CSMD3: variants seen among roughly 807,000 people sequenced by gnomAD.
CSMD3 encodes CUB and sushi domain-containing protein 3.
CSMD3 carries 177 observed loss-of-function variants against 435.2 expected under a neutral mutation model. The observed-to-expected ratio is 0.41, with a 90% CI of 0.36 to 0.46. The LOEUF (loss-of-function observed/expected upper bound fraction) is 0.46, where lower values mean the gene tolerates loss of function less well. Among genes scored for constraint, CSMD3 ranks in the 20% least tolerant of loss-of-function variants. The pLI is 0.34. For synonymous variants in CSMD3, 1,656 were observed against 1,520.5 expected (o/e 1.09, Z -2.07); for missense variants, 4,265 against 4,504.6 (o/e 0.95, Z 1.52).
At chr8:112,527,335 C>T (rs974352333) in intron 27 of CSMD3, among the ~76,000 whole-genome samples, 1 of 151,252 alleles carries the variant, frequency 6.6e-6, no homozygotes, top group African/African-American at 2.4e-5. Flanking sequence ...GAAAAAGAGA[C>T]AGATTTCATA....
In CSMD3 at chr8:112,573,597, G is replaced by C. The variant is rs1049829056; in HGVS notation, c.3946C>G (p.Arg1316Gly). 1 of 1,612,882 alleles carries C rather than the reference G, an allele frequency of 6.2e-7. No individual in the cohort carries two copies. The highest frequency in any genetic ancestry group is 8.5e-7 in the Non-Finnish European group (1 of 1,179,076). Reference sequence around the variant, plus strand: ...GAAGTACTACTAAGTGTCAGTCCGCGCATAGATGCACCAGTAAAAGCACCT... The same window carrying C: ...GAAGTACTACTAAGTGTCAGTCCGCCCATAGATGCACCAGTAAAAGCACCT... ...LLGAFTGASM[R>G]GLTLSSTSNQ... Residue 1316 changes from arginine to glycine, a missense_variant, in exon 24 of 71, where the codon CGC (arginine) becomes GGC (glycine). Coordinates refer to ENST00000297405, the MANE Select transcript of CSMD3 (RefSeq NM_198123.2).
chr8:112,637,621 C>G (rs2074699066), intron 21 of CSMD3, among the ~76,000 whole-genome samples: 1 of 152,002 alleles, frequency 6.6e-6, no homozygotes, highest in Non-Finnish European at 1.5e-5. Flanking sequence ...AAACAGTCTT[C>G]AGGGTATGAA....
intron 4 of CSMD3, among the ~76,000 whole-genome samples, chr8:113,167,007 T>C (rs1029248284): frequency 6.6e-6 from 1 of 152,130 alleles, no homozygotes; most frequent in African/African-American, 2.4e-5. Flanking sequence ...GTGAGAAAAC[T>C]GAGGTCTAAA....
At chr8:113,405,683 G>A (rs2094529519) in intron 1 of CSMD3, among the ~76,000 whole-genome samples, 1 of 151,638 alleles carries the variant, frequency 6.6e-6, no homozygotes, top group South Asian at 2.1e-4. Flanking sequence ...TCAATATCAT[G>A]CAGATGAAAA....
intron 4 of CSMD3, among the ~76,000 whole-genome samples, chr8:113,102,086 T>C (rs2090346996): frequency 1.3e-5 from 2 of 152,106 alleles, no homozygotes; most frequent in African/African-American, 4.8e-5. Flanking sequence ...CTAAATACCA[T>C]GGCTTGGTCT....
intron 5 of CSMD3, among the ~76,000 whole-genome samples, chr8:113,048,705 A>T (rs2087950367): frequency 6.6e-6 from 1 of 152,156 alleles, no homozygotes; most frequent in South Asian, 2.1e-4. Flanking sequence ...TATCCTTGTG[A>T]TACAGTATTA....
chr8:112,528,425 T>C (rs897772246), intron 27 of CSMD3, among the ~76,000 whole-genome samples: 1 of 152,000 alleles, frequency 6.6e-6, no homozygotes, highest in African/African-American at 2.4e-5. Context: ...TCAATCAAAA[T>C]ATCCCATTCT....
Position 112,826,121 on chromosome 8 carries a change from C to G in CSMD3, c.1859+3565G>C, listed in dbSNP as rs145701776. On this transcript the variant is annotated intron_variant, in intron 12 of 70. Transcript: ENST00000297405. ...TCTGAAGAGGCACTCTGGCCACAGTCTGCCACAGCCAGTATGTTGGGCTAT... is the reference window on the plus strand; with the variant it reads ...TCTGAAGAGGCACTCTGGCCACAGTGTGCCACAGCCAGTATGTTGGGCTAT... 2.7e-4 allele frequency among the ~76,000 whole-genome samples: 41 copies of G among 152,280 alleles called. No homozygotes were observed. The East Asian group carries it at 7.4e-3, about 27-fold the overall frequency.
chr8:113,208,595 C>A (rs898639169), intron 3 of CSMD3, among the ~76,000 whole-genome samples: 2 of 152,000 alleles, frequency 1.3e-5, no homozygotes, highest in Non-Finnish European at 2.9e-5. Flanking sequence ...TTGATCATTT[C>A]GCACAGATAA....
intron 6 of CSMD3, among the ~76,000 whole-genome samples, chr8:112,981,339 G>T (rs1392090095): frequency 6.6e-6 from 1 of 151,266 alleles, no homozygotes; most frequent in Non-Finnish European, 1.5e-5. Context: ...TCATGTAACA[G>T]ATTTTCTAAG....
intron 32 of CSMD3, among the ~76,000 whole-genome samples, chr8:112,419,909 T>C (rs1050464995): frequency 2.6e-5 from 4 of 152,168 alleles, no homozygotes; most frequent in African/African-American, 9.7e-5. Flanking sequence ...AGCGATTCCA[T>C]TGTATGTTTA....
At chr8:112,773,717 A>G (rs2078177538) in intron 13 of CSMD3, among the ~76,000 whole-genome samples, 1 of 152,018 alleles carries the variant, frequency 6.6e-6, no homozygotes, top group Non-Finnish European at 1.5e-5. Flanking sequence ...TTCAACCAAG[A>G]GAGGACTGGG....
At chr8:112,843,176 C>G (rs1163600003) in intron 11 of CSMD3, among the ~76,000 whole-genome samples, 2 of 151,768 alleles carry the variant, frequency 1.3e-5, no homozygotes, top group Non-Finnish European at 2.9e-5. Context: ...GATGATCACA[C>G]TAGATACTAT....
At chr8:113,106,196 G>A (rs2090470661) in intron 4 of CSMD3, among the ~76,000 whole-genome samples, 1 of 151,636 alleles carries the variant, frequency 6.6e-6, no homozygotes, top group African/African-American at 2.4e-5. Context: ...CCACAGCAAA[G>A]CCTAAAATAT....
intron 3 of CSMD3, among the ~76,000 whole-genome samples, chr8:113,261,638 T>G (rs1167739778): frequency 1.3e-5 from 2 of 152,094 alleles, no homozygotes; most frequent in Non-Finnish European, 2.9e-5. Context: ...GGCAACATTG[T>G]GATTTCTGGG....
chr8:112,425,207 G>T (rs1311447480), intron 32 of CSMD3, among the ~76,000 whole-genome samples: 1 of 152,116 alleles, frequency 6.6e-6, no homozygotes, highest in Non-Finnish European at 1.5e-5. Flanking sequence ...AAATAGATAA[G>T]ACATCCTGAA....
intron 40 of CSMD3, among the ~76,000 whole-genome samples, chr8:112,347,602 C>T (rs1242407823): frequency 6.6e-6 from 1 of 152,170 alleles, no homozygotes; most frequent in Non-Finnish European, 1.5e-5. Context: ...ATAAACCTTT[C>T]ATCAAACTTG....
chr8:112,480,760 A>G (rs1462541355), intron 31 of CSMD3, among the ~76,000 whole-genome samples: 2 of 152,160 alleles, frequency 1.3e-5, no homozygotes, highest in Non-Finnish European at 2.9e-5. Context: ...GCAGAATGTG[A>G]GCCAATTAAA....
At chr8:112,931,257 A>G (rs531920966) in intron 9 of CSMD3, among the ~76,000 whole-genome samples, 1 of 152,158 alleles carries the variant, frequency 6.6e-6, no homozygotes, top group South Asian at 2.1e-4. Flanking sequence ...TGACTATGCT[A>G]TAAAGCACTT....
Sources: gnomAD v4.1 joint callset for allele counts (sites outside exome capture counted in the v4.1 genomes callset) on GRCh38, gnomAD v4.1.1 for gene constraint, MANE v1.5 for transcripts, NCBI Gene and HGNC (gene_info 2026-07-23, HGNC 2026-07-21) for gene names.